The following CEP162 variants were observed in gnomAD, a reference collection of about 807,000 sequenced individuals.
CEP162 encodes the protein centrosomal protein 162.
Under a neutral mutation model 169.2 loss-of-function variants are expected in CEP162, and 141 were observed. The ratio of observed to expected loss-of-function variants is 0.83; its 90% CI spans 0.73 to 0.96. The LOEUF (loss-of-function observed/expected upper bound fraction) is 0.96. Ranked by LOEUF, CEP162 falls within the 40% of genes least tolerant of loss-of-function variation. The pLI is 0.00. For synonymous variants in CEP162, 540 were observed against 526.4 expected (o/e 1.03, Z -0.35); for missense variants, 1,600 against 1,587.2 (o/e 1.01, Z -0.14).
intron 9 of CEP162, 104 bp from the exon 10 acceptor site, chr6:84,195,179 G>T (rs1391855254): frequency 1.0e-6 from 1 of 960,426 alleles, no homozygotes; most frequent in East Asian, 2.7e-5. Context: ...TAAAAGTAGA[G>T]TTAAGTACTA....
chr6:84,201,006 C>CG (rs1454893417), intron 8 of CEP162, 101 bp from the exon 9 acceptor site: 6 of 622,462 alleles, frequency 9.6e-6, no homozygotes, highest in African/African-American at 1.8e-5. Flanking sequence ...AGGCCGGGCG[C>CG]GGTGGCTCAC....
At chr6:84,174,017 A>G (rs1362796041) in intron 16 of CEP162, 31 bp downstream of exon 16, 1 of 1,585,068 alleles carries the variant, frequency 6.3e-7, no homozygotes, top group Admixed American at 1.7e-5. Flanking sequence ...GATCAAGAGT[A>G]AATTTGCCAT....
At chr6:84,136,448 T>C (rs535204117) in intron 25 of CEP162, among the ~76,000 whole-genome samples, 1 of 152,330 alleles carries the variant, frequency 6.6e-6, no homozygotes, top group Admixed American at 6.5e-5. Flanking sequence ...AGCCCACTCC[T>C]GTGATAACTA....
intron 13 of CEP162, among the ~76,000 whole-genome samples, chr6:84,181,916 G>A (rs2099535001): frequency 6.6e-6 from 1 of 152,012 alleles, no homozygotes; most frequent in African/African-American, 2.4e-5. Context: ...AAAAAGTTAA[G>A]AAACAACACT....
intron 13 of CEP162, among the ~76,000 whole-genome samples, chr6:84,175,606 C>A (rs2099532092): frequency 6.6e-6 from 1 of 152,106 alleles, no homozygotes; most frequent in Admixed American, 6.5e-5. Flanking sequence ...ACAAATGGAG[C>A]TAAATAAATG....
chr6:84,185,378 G>A lies in CEP162; in HGVS notation c.1472C>T (p.Ala491Val), dbSNP rs1373293630. Residue 491 changes from alanine (A) to valine (V), a missense_variant, in exon 13 of 27, where the codon GCC becomes GTC. Physicochemically the swap from Ala to Val is moderately conservative, Grantham distance 64. Coordinates refer to ENST00000403245, the MANE Select transcript of CEP162 (RefSeq NM_014895.4). The part of the protein sequence containing the change: ...VMGKQVPYKK[A>V]RSAPPLLKRK... ...TTTAAGTAAAGGAGGTGCACTTCTG[G>A]CCTTCTTGTATGGTACCTGTTTACC... 2.5e-6 allele frequency: 4 copies of A among 1,613,358 alleles called. No individual in the cohort carries two copies. In the African/African-American group the frequency reaches 4.0e-5, roughly 16 times the overall value.
At position 84,193,656 on chromosome 6, in the gene CEP162, G is replaced by A; in HGVS notation, c.1062C>T (p.Ile354=). 1 of 1,568,794 alleles carries A rather than the reference G, an allele frequency of 6.4e-7. No individual in the cohort carries two copies. The highest frequency in any genetic ancestry group is 8.7e-7 in the Non-Finnish European group (1 of 1,155,546). Residue 354 remains isoleucine, a synonymous_variant, in exon 11 of 27, where the codon ATC becomes ATT. Transcript: ENST00000403245. ...LPTVEELMKP[I]RIDSFGISGF... Reference sequence around the variant, plus strand: ...CACTGATCCCAAAGGAATCTATTCTGATAGGTTTCATCAGCTCCTCTACTG... The same window carrying A: ...CACTGATCCCAAAGGAATCTATTCTAATAGGTTTCATCAGCTCCTCTACTG...
intron 13 of CEP162, among the ~76,000 whole-genome samples, chr6:84,181,243 A>T (rs763548346): frequency 2.0e-5 from 3 of 152,138 alleles, no homozygotes; most frequent in African/African-American, 7.2e-5. Context: ...CAAAAACAAG[A>T]AATGAGGAAA....
chr6:84,126,462 T>C lies in CEP162; in HGVS notation c.3921A>G (p.Pro1307=), dbSNP rs1410801250. The change falls in exon 26 of 27, where the codon CCA becomes CCG. Residue 1307 remains proline, a synonymous_variant. Coordinates refer to ENST00000403245, the MANE Select transcript of CEP162 (RefSeq NM_014895.4). ...ELREAKENHT[P]EMKHFVGLEK... is the part of the protein sequence containing the mutation. The stretch of plus-strand genomic sequence containing the variant: ...CTAAGCCCACGAAATGTTTCATCTC[T>C]GGTGTATGGTTTTCTTTGGCTTCTC... The C allele has an allele frequency of 6.3e-6, 10 of 1,580,222 alleles. No homozygotes were observed. The Admixed American group carries it at 1.5e-4, about 23-fold the overall frequency.
chr6:84,143,553 ATGAC>A (rs2099517578), intron 25 of CEP162, among the ~76,000 whole-genome samples: 1 of 152,014 alleles, frequency 6.6e-6, no homozygotes, highest in African/African-American at 2.4e-5. Context: ...CTAAAGTAGA[ATGAC>A]AGACTGTTTT....
intron 8 of CEP162, among the ~76,000 whole-genome samples, chr6:84,201,106 G>A (rs193286012): frequency 4.6e-4 from 70 of 152,194 alleles, no homozygotes; most frequent in African/African-American, 1.5e-3. Flanking sequence ...GTGAAACCCC[G>A]TCTCTATTAA....
chr6:84,218,372 G>A lies in CEP162; in HGVS notation c.173-2450C>T, dbSNP rs543984122. Among the ~76,000 whole-genome samples the A allele has an allele frequency of 8.5e-5, 13 of 152,280 alleles. No homozygotes were observed. The East Asian group carries it at 1.2e-3, about 14-fold the overall frequency. ...GGAAGTCAATGGTTGGACCGTGCTC[G>A]TCCTCATAGGCCAGCAGAGGGTCTT... On this transcript the variant is annotated intron_variant, in intron 3 of 26. Transcript: ENST00000403245.
At chr6:84,196,481 G>GA (rs2099542193) in intron 9 of CEP162, among the ~76,000 whole-genome samples, 1 of 151,904 alleles carries the variant, frequency 6.6e-6, no homozygotes, top group African/African-American at 2.4e-5. Context: ...ACAAATTCTA[G>GA]AAAAAAGAAT....
rs1401893930 is a variant in CEP162 at position 84,177,797 on chromosome 6, A to AGG, written c.1664-2451_1664-2450insCC. 5.8e-4 allele frequency among the ~76,000 whole-genome samples: 88 copies of AGG among 152,292 alleles called. 1 individual carries two copies. The highest frequency in any genetic ancestry group is 2.0e-3 in the African/African-American group (82 of 41,570). Reference sequence around the variant, plus strand: ...AGTGACCTGCCCACCTTAGCCTCCCAGATTGCTGGGATTACAGGTGTGAGT... The same window carrying AGG: ...AGTGACCTGCCCACCTTAGCCTCCCAGGGATTGCTGGGATTACAGGTGTGAGT... On this transcript the variant is annotated intron_variant, in intron 13 of 26. Coordinates refer to ENST00000403245, the MANE Select transcript of CEP162 (RefSeq NM_014895.4).
rs752256837 is a variant in CEP162, at chr6:84,171,686, A to T, written c.2199T>A (p.Asp733Glu). 3 of 1,526,804 alleles carry T rather than the reference A, an allele frequency of 2.0e-6. No homozygotes were observed. The highest frequency in any genetic ancestry group is 2.6e-6 in the Non-Finnish European group (3 of 1,136,394). 94.6% of individuals were successfully genotyped at this position (1,526,804 alleles called of 1,614,324 possible). A position where few individuals can be genotyped will look rare whatever the true frequency, so the allele number is the denominator to read the frequency against. The change falls in exon 17 of 27, where the codon GAT becomes GAA. Residue 733 changes from aspartate (D) to glutamate (E), a missense_variant. Transcript: ENST00000403245. ...ENERLYNQVK[D>E]LQEQNKKNEE... ...CATTTTTCTTGTTTTGTTCTTGGAG[A>T]TCTTTTACTTGATTATATAATCGTT... is the stretch of plus-strand genomic sequence containing the variant.
At chr6:84,150,935 C>T (rs192610464) in intron 23 of CEP162, among the ~76,000 whole-genome samples, 4 of 152,128 alleles carry the variant, frequency 2.6e-5, no homozygotes, top group Admixed American at 6.6e-5. Context: ...CATAATCTTA[C>T]ACCAGTTCTC....
At position 84,174,952 on chromosome 6, in the gene CEP162, A is replaced by G; in HGVS notation, c.1800T>C (p.Asp600=). The G allele has an allele frequency of 6.3e-7, 1 of 1,584,422 alleles. No individual in the cohort carries two copies. The highest frequency in any genetic ancestry group is 8.6e-7 in the Non-Finnish European group (1 of 1,160,000). ...TGTTCTCACCACAGTATCCTAAGGA[A>G]TCCTTTCAAGACAAAGCATTACTTC... ...ETDSCIQFQT[D]SLGYCGENKE... The change falls in exon 15 of 27, where the codon GAT becomes GAC. Residue 600 remains aspartate, a splice_region_variant and synonymous_variant. Coordinates refer to ENST00000403245, the MANE Select transcript of CEP162 (RefSeq NM_014895.4).
At chr6:84,190,361 G>T (rs926232893) in intron 11 of CEP162, among the ~76,000 whole-genome samples, 1 of 152,168 alleles carries the variant, frequency 6.6e-6, no homozygotes, top group African/African-American at 2.4e-5. Context: ...GGTGGGGCCA[G>T]ATAAGAGAAT....
At chr6:84,133,821 G>T (rs979112461) in intron 25 of CEP162, among the ~76,000 whole-genome samples, 3 of 152,182 alleles carry the variant, frequency 2.0e-5, no homozygotes, top group Non-Finnish European at 2.9e-5. Context: ...CCTGGGTGAG[G>T]TGATGCCCTG....
Sources: allele counts gnomAD v4.1 joint callset (sites outside exome capture counted in the v4.1 genomes callset), GRCh38; gene constraint gnomAD v4.1.1; transcripts MANE v1.5; gene names NCBI Gene and HGNC (gene_info 2026-07-23, HGNC 2026-07-21).